The following NAALADL2 variants were observed in gnomAD, a reference collection of about 807,000 sequenced individuals.
NAALADL2 encodes the protein inactive N-acetylated-alpha-linked acidic dipeptidase-like protein 2.
A neutral mutation model predicts 87.2 loss-of-function variants in NAALADL2; 76 were observed. The ratio of observed to expected loss-of-function variants is 0.87; its 90% confidence interval spans 0.72 to 1.05. The LOEUF (loss-of-function observed/expected upper bound fraction) is 1.05. Ranked by LOEUF, NAALADL2 falls within the 50% of genes least tolerant of loss-of-function variation. The pLI is 0.00. For synonymous variants in NAALADL2, 354 were observed against 331.0 expected (o/e 1.07, Z -0.75); for missense variants, 1,089 against 945.8 (o/e 1.15, Z -1.99).
At chr3:175,050,608 G>C (rs1419949519) in intron 1 of NAALADL2, among the ~76,000 whole-genome samples, 1 of 152,106 alleles carries the variant, frequency 6.6e-6, no homozygotes, top group Non-Finnish European at 1.5e-5. Context: ...GGGAAAACTG[G>C]TTTCATTATG....
chr3:174,905,740 G>A (rs1658058905), intron 1 of NAALADL2, among the ~76,000 whole-genome samples: 1 of 152,016 alleles, frequency 6.6e-6, no homozygotes, highest in Admixed American at 6.6e-5. Flanking sequence ...GAGACAGACA[G>A]GATAAATCTC....
At chr3:175,249,983 A>C (rs1156298539) in intron 3 of NAALADL2, among the ~76,000 whole-genome samples, 1 of 152,006 alleles carries the variant, frequency 6.6e-6, no homozygotes, top group Non-Finnish European at 1.5e-5. Flanking sequence ...CAGCCTAACC[A>C]ACATGGAGAA....
At chr3:175,046,579 T>A (rs912033124) in intron 1 of NAALADL2, among the ~76,000 whole-genome samples, 2 of 152,164 alleles carry the variant, frequency 1.3e-5, no homozygotes, top group Non-Finnish European at 2.9e-5. Flanking sequence ...TCTCAGAGGA[T>A]AATGAAGTAA....
intron 1 of NAALADL2, among the ~76,000 whole-genome samples, chr3:174,495,349 G>A (rs889826090): frequency 2.0e-5 from 3 of 150,270 alleles, no homozygotes; most frequent in African/African-American, 7.3e-5. Context: ...GGAATGATTT[G>A]TTAGACGGCT....
chr3:174,643,012 G>A (rs1220131555), intron 2 of NAALADL2, among the ~76,000 whole-genome samples: 1 of 151,974 alleles, frequency 6.6e-6, no homozygotes, highest in African/African-American at 2.4e-5. Flanking sequence ...GAACTCCTGG[G>A]TTCAAGCAAT....
chr3:174,742,134 T>C (rs13095638), intron 3 of NAALADL2, among the ~76,000 whole-genome samples: 1 of 151,730 alleles, frequency 6.6e-6, no homozygotes, highest in East Asian at 1.9e-4. Flanking sequence ...GGTAACATAC[T>C]AACATTTTAA....
intron 5 of NAALADL2, among the ~76,000 whole-genome samples, chr3:175,353,182 T>C (rs1763972451): frequency 6.6e-6 from 1 of 151,924 alleles, no homozygotes. Flanking sequence ...TGATACTGCT[T>C]TTAGTTTGTG....
intron 1 of NAALADL2, among the ~76,000 whole-genome samples, chr3:174,522,434 G>T (rs191037462): frequency 6.6e-6 from 1 of 152,230 alleles, no homozygotes; most frequent in East Asian, 1.9e-4. Context: ...GCTGAGGTGG[G>T]GGGATTGCTT....
chr3:175,132,870 G>A (rs1190907557), intron 2 of NAALADL2, among the ~76,000 whole-genome samples: 1 of 150,580 alleles, frequency 6.6e-6, no homozygotes, highest in Non-Finnish European at 1.5e-5. Context: ...CAGGCGGAGG[G>A]GCTCCTCACT....
At chr3:174,882,807 ATG>A (rs1377708625) in intron 1 of NAALADL2, among the ~76,000 whole-genome samples, 26 of 103,542 alleles carry the variant, frequency 2.5e-4, no homozygotes, top group Admixed American at 2.3e-3. Context: ...ACGTGTGTAT[ATG>A]TGCATATGTG....
At chr3:174,949,965 T>C (rs746293588) in intron 1 of NAALADL2, among the ~76,000 whole-genome samples, 1 of 152,164 alleles carries the variant, frequency 6.6e-6, no homozygotes, top group Admixed American at 6.6e-5. Context: ...TCTATTTGCA[T>C]TGGAACCATT....
At chr3:175,768,445 A>C (rs1749036347) in intron 13 of NAALADL2, among the ~76,000 whole-genome samples, 1 of 152,172 alleles carries the variant, frequency 6.6e-6, no homozygotes, top group African/African-American at 2.4e-5. Flanking sequence ...CAGAAACATT[A>C]GTTTTTTTTC....
chr3:174,975,025 GC>G (rs772752931), intron 1 of NAALADL2, among the ~76,000 whole-genome samples: 2 of 151,944 alleles, frequency 1.3e-5, no homozygotes, highest in African/African-American at 2.4e-5. Context: ...TGAATTAATT[GC>G]CCTTTAAAGT....
intron 2 of NAALADL2, among the ~76,000 whole-genome samples, chr3:175,123,993 C>T (rs1471799722): frequency 6.6e-6 from 1 of 151,908 alleles, no homozygotes; most frequent in African/African-American, 2.4e-5. Flanking sequence ...GAGAAAAGAA[C>T]ATCAGGGTAG....
Position 175,386,283 on chromosome 3 carries a change from T to C in NAALADL2, c.1091-60946T>C, listed in dbSNP as rs139941624. ...CTTTGTCCTCCTCTGAGATTTATTT[T>C]CAAAGAAGCTGTTCATTTGTTTTGT... On this transcript the variant is annotated intron_variant, in intron 5 of 13. Coordinates refer to ENST00000454872, the MANE Select transcript of NAALADL2 (RefSeq NM_207015.3). Among the ~76,000 whole-genome samples, 431 of 152,122 alleles carry C rather than the reference T, an allele frequency of 2.8e-3. 2 individuals carry two copies. Among genetic ancestry groups the C allele is most frequent in the African/African-American group, 9.9e-3 (412 of 41,544 alleles).
intron 3 of NAALADL2, among the ~76,000 whole-genome samples, chr3:174,780,747 T>A (rs934808866): frequency 3.9e-5 from 6 of 152,130 alleles, no homozygotes; most frequent in Admixed American, 3.3e-4. Context: ...AATCATGTTT[T>A]TTTTGTCATT....
chr3:175,706,867 T>G (rs1739799951), intron 11 of NAALADL2, among the ~76,000 whole-genome samples: 1 of 152,232 alleles, frequency 6.6e-6, no homozygotes, highest in East Asian at 1.9e-4. Flanking sequence ...ATTTAGCTAC[T>G]TTTATCCAGG....
At position 174,967,357 on chromosome 3, in the gene NAALADL2, T is replaced by C. The variant is rs1461525665; in HGVS notation, c.43+107907T>C. ...AAGTGTAGGGAATATCAGCCAGCTA[T>C]ATGTGGTGGATTGCAAAAAAAAAAA... On this transcript the variant is annotated intron_variant, in intron 1 of 13. Transcript: ENST00000454872. Among the ~76,000 whole-genome samples, 5 of 145,268 alleles carry C rather than the reference T, an allele frequency of 3.4e-5. No individual in the cohort carries two copies. The East Asian group carries it at 7.9e-4, about 23-fold the overall frequency.
intron 10 of NAALADL2, among the ~76,000 whole-genome samples, chr3:175,609,792 C>T (rs749557870): frequency 3.3e-5 from 5 of 152,110 alleles, no homozygotes; most frequent in Non-Finnish European, 7.4e-5. Context: ...AACTGCTAGT[C>T]ACTAGTCACC....
Sources: allele counts gnomAD v4.1 joint callset (sites outside exome capture counted in the v4.1 genomes callset), GRCh38; gene constraint gnomAD v4.1.1; transcripts MANE v1.5; gene names NCBI Gene and HGNC (gene_info 2026-07-23, HGNC 2026-07-21).